The following POLG variants were observed in gnomAD, a reference collection of about 807,000 sequenced individuals.
POLG encodes the protein DNA polymerase gamma, catalytic subunit.
Under a neutral mutation model 155.4 loss-of-function variants are expected in POLG, and 110 were observed. That is an observed-to-expected ratio of 0.71 (90% CI 0.61 to 0.83). The LOEUF (loss-of-function observed/expected upper bound fraction) is 0.83, where lower values mean the gene tolerates loss of function less well. POLG is among the 40% of genes least tolerant of loss of function. The pLI is 0.00. For missense variants in POLG, 1,685 were observed against 1,627.5 expected (o/e 1.04, Z -0.61); for synonymous variants, 701 against 631.5 (o/e 1.11, Z -1.65).
intron 18 of POLG, 119 bp from the exon 19 acceptor site, chr15:89,319,469 C>G: frequency 1.5e-6 from 2 of 1,334,148 alleles, no homozygotes; most frequent in Non-Finnish European, 2.1e-6. Flanking sequence ...CATGCCAGTC[C>G]CCTAAAGGCT....
At position 89,328,353 on chromosome 15, in the gene POLG, A is replaced by T. The variant is rs1365301939; in HGVS notation, c.1250+103T>A. ...TCCATTCTTTCAGCCTAGAAAAGCT[A>T]AGGTCCCCAACCTGAGATAGAACCA... On this transcript the variant is annotated intron_variant, in intron 6 of 22. Transcript: ENST00000268124. 11 of 871,176 alleles carry T rather than the reference A, an allele frequency of 1.3e-5. No individual in the cohort carries two copies. In the South Asian group the frequency reaches 1.6e-4, roughly 12 times the overall value. The allele number at this position is 871,176 out of a possible 1,614,324, so 54.0% of individuals were successfully genotyped here.
In POLG at chr15:89,328,894, G is replaced by C. The variant is rs757463848; in HGVS notation, c.1023+49C>G. On this transcript the variant is annotated intron_variant, in intron 4 of 22. Coordinates refer to ENST00000268124, the MANE Select transcript of POLG (RefSeq NM_002693.3). The stretch of plus-strand genomic sequence containing the variant: ...GGCCTCGGGCCAGACGGGCTGGTGA[G>C]AGGGGGTCCCAAGCACTATGCTCCT... 3.1e-6 allele frequency: 5 copies of C among 1,613,924 alleles called. No homozygotes were observed. The East Asian group carries it at 1.1e-4, about 36-fold the overall frequency.
intron 18 of POLG, 94 bp from the exon 19 acceptor site, chr15:89,319,444 T>G: frequency 6.5e-7 from 1 of 1,529,920 alleles, no homozygotes; most frequent in South Asian, 1.1e-5. Flanking sequence ...CTTCAACTTT[T>G]AAAAACACTG....
chr15:89,326,768 C>T, intron 8 of POLG, 30 bp from the exon 9 acceptor site: 1 of 1,614,008 alleles, frequency 6.2e-7, no homozygotes, highest in Non-Finnish European at 8.5e-7. Context: ...CAATCAGGAG[C>T]AGGAGAAGGA....
At position 89,318,924 on chromosome 15, in the gene POLG, A is replaced by T. The variant is rs1399265188; in HGVS notation, c.3273+7T>A. On this transcript the variant is annotated splice_region_variant and intron_variant, in intron 20 of 22. Transcript: ENST00000268124. Reference sequence around the variant, plus strand: ...CCTCTGCCCATGCTCCAAAGGTAGCAAGATACCTCTTCCTGGACAGCCGAG... The same window carrying T: ...CCTCTGCCCATGCTCCAAAGGTAGCTAGATACCTCTTCCTGGACAGCCGAG... The T allele has an allele frequency of 2.5e-6, 4 of 1,613,970 alleles. No individual in the cohort carries two copies. Among genetic ancestry groups the T allele is most frequent in the Non-Finnish European group, 3.4e-6 (4 of 1,179,992 alleles).
Position 89,326,974 on chromosome 15 carries a change from G to A in POLG, c.1523C>T (p.Ala508Val). ...KKAKKVKKEPATASKLPIEGA... is the reference protein window; with the variant it reads ...KKAKKVKKEPVTASKLPIEGA... ...CTCGATGGGCAACTTGCTGGCTGTGGCTGGTTCCTTCTTCACCTTCTTAGC... is the reference window on the plus strand; with the variant it reads ...CTCGATGGGCAACTTGCTGGCTGTGACTGGTTCCTTCTTCACCTTCTTAGC... The change falls in exon 8 of 23, where the codon GCC becomes GTC. Residue 508 changes from alanine (A) to valine (V), a missense_variant. Ala to Val is a moderately conservative substitution (Grantham distance 64). Coordinates refer to ENST00000268124, the MANE Select transcript of POLG (RefSeq NM_002693.3). The A allele has an allele frequency of 6.2e-7, 1 of 1,614,200 alleles. No homozygotes were observed. The highest frequency in any genetic ancestry group is 1.3e-5 in the African/African-American group (1 of 75,058).
intron 10 of POLG, among the ~76,000 whole-genome samples, chr15:89,325,191 T>TGA (rs1335228000): frequency 3.6e-5 from 2 of 55,230 alleles, no homozygotes; most frequent in African/African-American, 1.3e-4. Flanking sequence ...AGTGAGTGAG[T>TGA]GAGAGAGTGA....
chr15:89,329,563 C>G (rs2055568100), intron 3 of POLG, among the ~76,000 whole-genome samples: 1 of 152,198 alleles, frequency 6.6e-6, no homozygotes, highest in Non-Finnish European at 1.5e-5. Flanking sequence ...GGCCTATCTT[C>G]TAGGGCTGTT....
intron 13 of POLG, 140 bp from the exon 14 acceptor site, chr15:89,323,042 C>A (rs552736045): frequency 3.0e-6 from 2 of 673,058 alleles, no homozygotes; most frequent in East Asian, 2.7e-5. Flanking sequence ...GTATCACGCA[C>A]GCGCGCACGC....
intron 21 of POLG, 105 bp downstream of exon 21, chr15:89,318,436 T>C: frequency 3.5e-6 from 3 of 862,688 alleles, no homozygotes; most frequent in East Asian, 2.5e-5. Context: ...CATTCACTTC[T>C]AGGGGGATGA....
chr15:89,324,299 T>C, intron 10 of POLG, 72 bp from the exon 11 acceptor site: 11 of 1,553,372 alleles, frequency 7.1e-6, no homozygotes, highest in Non-Finnish European at 9.6e-6. Context: ...AGCTTGCTAG[T>C]GCCTTCCACA....
rs745457199 is a variant in POLG, at chr15:89,321,267, G to A, written c.2599-7C>T. The A allele has an allele frequency of 1.2e-6, 2 of 1,613,934 alleles. No homozygotes were observed. Among genetic ancestry groups the A allele is most frequent in the Non-Finnish European group, 1.7e-6 (2 of 1,179,910 alleles). On this transcript the variant is annotated splice_polypyrimidine_tract_variant and splice_region_variant and intron_variant, in intron 16 of 22. Coordinates refer to ENST00000268124, the MANE Select transcript of POLG (RefSeq NM_002693.3). ...CACTGCCTACTCGGTCAGGCTGTGGGAAGAGTGAGATACCCAAATGAGACT... is the reference window on the plus strand; with the variant it reads ...CACTGCCTACTCGGTCAGGCTGTGGAAAGAGTGAGATACCCAAATGAGACT...
Position 89,327,299 on chromosome 15 carries a change from T to A in POLG, c.1301A>T (p.Tyr434Phe), listed in dbSNP as rs1358505433. ...LAGMLEMGVSYLPVNQNWERY... is the reference protein window; with the variant it reads ...LAGMLEMGVSFLPVNQNWERY... Reference sequence around the variant, plus strand: ...CTCCCAGTTCTGGTTGACAGGCAGGTAGGAGACACCCATCTCCAGCATGCC... The same window carrying A: ...CTCCCAGTTCTGGTTGACAGGCAGGAAGGAGACACCCATCTCCAGCATGCC... The change falls in exon 7 of 23, where the codon TAC becomes TTC. Residue 434 changes from tyrosine (Y) to phenylalanine (F), a missense_variant. Physicochemically the swap from Tyr to Phe is conservative, Grantham distance 22. This residue lies in a region of POLG where 1,210 missense variants were observed against 1,167.1 expected (regional missense o/e 1.04). Coordinates refer to ENST00000268124, the MANE Select transcript of POLG (RefSeq NM_002693.3). The A allele has an allele frequency of 6.2e-7, 1 of 1,613,934 alleles. No homozygotes were observed. Among genetic ancestry groups the A allele is most frequent in the African/African-American group, 1.3e-5 (1 of 74,918 alleles).
chr15:89,321,472 C>A (rs1046989179), intron 16 of POLG, among the ~76,000 whole-genome samples: 1 of 152,188 alleles, frequency 6.6e-6, no homozygotes, highest in Non-Finnish European at 1.5e-5. Flanking sequence ...CTATGCCAGA[C>A]CCCTCACCTA....
At chr15:89,318,870 G>T in intron 20 of POLG, 61 bp downstream of exon 20, 2 of 1,592,596 alleles carry the variant, frequency 1.3e-6, no homozygotes, top group South Asian at 2.2e-5. Context: ...AAGGTCCACA[G>T]GGAGCTCTGC....
intron 7 of POLG, 33 bp downstream of exon 7, chr15:89,327,134 T>G (rs1456888091): frequency 1.9e-6 from 3 of 1,614,146 alleles, no homozygotes; most frequent in Non-Finnish European, 2.5e-6. Context: ...GCCAGTCCCC[T>G]GCCTAGATCC....
chr15:89,320,455 C>G (rs1183866050), intron 18 of POLG, among the ~76,000 whole-genome samples: 1 of 152,218 alleles, frequency 6.6e-6, no homozygotes, highest in Non-Finnish European at 1.5e-5. Context: ...CTGTAGGCAT[C>G]TGAGTTTGCA....
Position 89,330,884 on chromosome 15 carries a change from T to C in POLG, c.660-608A>G, listed in dbSNP as rs561368364. 2.8e-4 allele frequency among the ~76,000 whole-genome samples: 42 copies of C among 149,914 alleles called. No homozygotes were observed. The South Asian group carries it at 8.4e-3, about 30-fold the overall frequency. On this transcript the variant is annotated intron_variant, in intron 2 of 22. Coordinates refer to ENST00000268124, the MANE Select transcript of POLG (RefSeq NM_002693.3). ...CAGGGAAAGTGCCAGAATGAGAAAA[T>C]GTATGTGTATGTGACAGGGTTGGGG...
intron 2 of POLG, 108 bp from the exon 3 acceptor site, chr15:89,330,384 G>A (rs543749853): frequency 5.7e-5 from 50 of 877,034 alleles, no homozygotes; most frequent in Non-Finnish European, 7.9e-5. Flanking sequence ...ATTGGCAGCT[G>A]GGGACACAAG....
Sources: allele counts gnomAD v4.1 joint callset (sites outside exome capture counted in the v4.1 genomes callset), GRCh38; gene constraint gnomAD v4.1.1; regional missense constraint gnomAD v4.1.1; transcripts MANE v1.5; gene names NCBI Gene and HGNC (gene_info 2026-07-23, HGNC 2026-07-21).